Variants in COLGALT2 observed in about 807,000 individuals in gnomAD.
The protein encoded by COLGALT2 is procollagen galactosyltransferase 2.
COLGALT2 carries 49 observed loss-of-function variants against 73.4 expected under a neutral mutation model. The observed-to-expected ratio is 0.67, with a 90% CI of 0.53 to 0.85. The LOEUF (loss-of-function observed/expected upper bound fraction) is 0.85, where lower values mean the gene tolerates loss of function less well. Ranked by LOEUF, COLGALT2 falls within the 40% of genes least tolerant of loss-of-function variation. The pLI, the probability that COLGALT2 is intolerant of heterozygous loss-of-function variation, is 0.00. For missense variants in COLGALT2, 722 were observed against 790.2 expected, an observed-to-expected ratio of 0.91 and a Z score of 1.03; for synonymous variants, 295 against 307.6, an observed-to-expected ratio of 0.96 and a Z score of 0.43.
At chr1:184,021,337 T>C (rs1418635986) in intron 1 of COLGALT2, among the ~76,000 whole-genome samples, 1 of 152,180 alleles carries the variant, frequency 6.6e-6, no homozygotes, top group Admixed American at 6.6e-5. Flanking sequence ...AGTTCATGTG[T>C]TGGAAACTTG....
At chr1:184,028,649 G>A (rs1331507778) in intron 1 of COLGALT2, among the ~76,000 whole-genome samples, 1 of 152,160 alleles carries the variant, frequency 6.6e-6, no homozygotes, top group African/African-American at 2.4e-5. Context: ...ATGTGTGAAT[G>A]AAATCAGGTA....
intron 6 of COLGALT2, among the ~76,000 whole-genome samples, chr1:183,961,233 A>C (rs947175625): frequency 1.3e-5 from 2 of 152,254 alleles, no homozygotes; most frequent in African/African-American, 4.8e-5. Flanking sequence ...ATCAATGATG[A>C]AAGCTATAAT....
In COLGALT2 at chr1:183,969,420, T is replaced by A. The variant is rs911522246; in HGVS notation, c.681A>T (p.Thr227=). The A allele has an allele frequency of 4.3e-6, 7 of 1,613,722 alleles. No individual in the cohort carries two copies. ...DYVQIREWKR[T]GCFPVPMVHS... ...GGACCATGGGGACGGGGAAGCAGCC[T>A]GTCCTCTTCCATTCTCGAATCTGAA... is the stretch of plus-strand genomic sequence containing the variant. The change falls in exon 5 of 12, where the codon ACA becomes ACT. Residue 227 remains threonine, a synonymous_variant. Transcript: ENST00000361927.
intron 1 of COLGALT2, among the ~76,000 whole-genome samples, chr1:184,021,365 G>T (rs57023391): frequency 0.018 from 2,813 of 152,248 alleles, 85 homozygotes; most frequent in African/African-American, 0.063. Flanking sequence ...ATGTGGTAAC[G>T]TTGGGAGGTG....
At chr1:183,946,600 A>C (rs1670256138) in intron 8 of COLGALT2, 2 of 152,256 alleles carry the variant, frequency 1.3e-5, no homozygotes, top group Admixed American at 1.3e-4. Flanking sequence ...AAATAGGTTG[A>C]AAGTAAAAGA....
Position 183,963,950 on chromosome 1 carries a change from T to C in COLGALT2, c.903A>G (p.Thr301=). Residue 301 remains threonine, a synonymous_variant, in exon 6 of 12, where the codon ACA becomes ACG. Coordinates refer to ENST00000361927, the MANE Select transcript of COLGALT2 (RefSeq NM_015101.4). ...YLPIPLKPHQ[T]LQEDIENLIH... ...TGAGGTTCTCGATGTCTTCCTGCAG[T>C]GTCTGATGGGGCTTCAGGGGGATGG... The C allele has an allele frequency of 6.2e-7, 1 of 1,613,116 alleles. No homozygotes were observed. The highest frequency in any genetic ancestry group is 1.7e-5 in the Admixed American group (1 of 59,902).
At position 183,938,666 on chromosome 1, in the gene COLGALT2, C is replaced by G; in HGVS notation, c.*95G>C. 5.9e-6 allele frequency: 9 copies of G among 1,516,294 alleles called. No individual in the cohort carries two copies. The highest frequency in any genetic ancestry group is 7.9e-6 in the Non-Finnish European group (9 of 1,132,322). The allele number at this position is 1,516,294 out of a possible 1,614,324, so 93.9% of individuals were successfully genotyped here. A position where few individuals can be genotyped will look rare whatever the true frequency, so the allele number is the denominator to read the frequency against. On this transcript the variant is annotated 3_prime_UTR_variant, in exon 12 of 12. Coordinates refer to ENST00000361927, the MANE Select transcript of COLGALT2 (RefSeq NM_015101.4). ...GTTAGATGACTGTGACCACTAAGAA[C>G]AAAACAAAACAGAAAACTGGAGCAA...
intron 1 of COLGALT2, among the ~76,000 whole-genome samples, chr1:183,983,353 C>T (rs1671403509): frequency 6.6e-6 from 1 of 152,204 alleles, no homozygotes; most frequent in Admixed American, 6.5e-5. Context: ...TTTCCCTGCT[C>T]CTCCTCCCCA....
chr1:183,992,062 C>T (rs1196054173), intron 1 of COLGALT2, among the ~76,000 whole-genome samples: 1 of 152,056 alleles, frequency 6.6e-6, no homozygotes, highest in African/African-American at 2.4e-5. Context: ...TGAGAGCAAA[C>T]CTCAGCTAAG....
At chr1:184,006,646 A>T (rs1672094890) in intron 1 of COLGALT2, among the ~76,000 whole-genome samples, 1 of 151,964 alleles carries the variant, frequency 6.6e-6, no homozygotes, top group Admixed American at 6.6e-5. Flanking sequence ...AGGGCAAAGG[A>T]TACTAACATA....
At chr1:183,981,150 G>T (rs1342633120) in intron 1 of COLGALT2, among the ~76,000 whole-genome samples, 1 of 152,056 alleles carries the variant, frequency 6.6e-6, no homozygotes, top group East Asian at 1.9e-4. Flanking sequence ...TAAGGGTGTC[G>T]TAATATTCCC....
chr1:184,028,149 A>T (rs1301054078), intron 1 of COLGALT2, among the ~76,000 whole-genome samples: 1 of 152,182 alleles, frequency 6.6e-6, no homozygotes, highest in East Asian at 1.9e-4. Context: ...GAAACTAAAA[A>T]ACAGTCTATT....
Position 183,936,087 on chromosome 1 carries a change from C to T in COLGALT2, c.*2674G>A, listed in dbSNP as rs1669944685. 1.0e-6 allele frequency: 1 copy of T among 985,482 alleles called. No individual in the cohort carries two copies. Among genetic ancestry groups the T allele is most frequent in the South Asian group, 4.7e-5 (1 of 21,284 alleles). 61.0% of individuals were successfully genotyped at this position (985,482 alleles called of 1,614,324 possible). On this transcript the variant is annotated 3_prime_UTR_variant, in exon 12 of 12. Transcript: ENST00000361927. ...ACTGCTGATGTCACGGTTGTCTGTC[C>T]AGAAGATCCCACGTTAGATCCCAAG...
intron 1 of COLGALT2, among the ~76,000 whole-genome samples, chr1:184,032,410 A>G (rs191482612): frequency 2.0e-5 from 3 of 152,360 alleles, no homozygotes; most frequent in Non-Finnish European, 2.9e-5. Context: ...ACTTGTAACA[A>G]TAACTCTTTG....
At position 183,937,652 on chromosome 1, in the gene COLGALT2, A is replaced by G. The variant is rs945266990; in HGVS notation, c.*1109T>C. 30 of 985,292 alleles carry G rather than the reference A, an allele frequency of 3.0e-5. No homozygotes were observed. Among genetic ancestry groups the G allele is most frequent in the Middle Eastern group, 5.2e-4 (1 of 1,936 alleles). The allele number at this position is 985,292 out of a possible 1,614,324, so 61.0% of individuals were successfully genotyped here. A position where few individuals can be genotyped will look rare whatever the true frequency, so the allele number is the denominator to read the frequency against. ...TGGCTGGGAAATTCAGGAGAATCAGATTGCCGAACCAATGTGTCCACACCC... is the reference window on the plus strand; with the variant it reads ...TGGCTGGGAAATTCAGGAGAATCAGGTTGCCGAACCAATGTGTCCACACCC... On this transcript the variant is annotated 3_prime_UTR_variant, in exon 12 of 12. Coordinates refer to ENST00000361927, the MANE Select transcript of COLGALT2 (RefSeq NM_015101.4).
In COLGALT2 at chr1:183,938,693, CAG is replaced by C; in HGVS notation, c.*66_*67del. 1 of 1,566,332 alleles carries C rather than the reference CAG, an allele frequency of 6.4e-7. No individual in the cohort carries two copies. Among genetic ancestry groups the C allele is most frequent in the Non-Finnish European group, 8.6e-7 (1 of 1,156,586 alleles). Reference sequence around the variant, plus strand: ...AAACAAAACAGAAAACTGGAGCAAACAGATGAATAGCCCTTTAGAAAAACCAG... The same window carrying C: ...AAACAAAACAGAAAACTGGAGCAAACATGAATAGCCCTTTAGAAAAACCAG... On this transcript the variant is annotated 3_prime_UTR_variant, in exon 12 of 12. Transcript: ENST00000361927.
chr1:183,962,154 CTTTT>C (rs34873073), intron 6 of COLGALT2, among the ~76,000 whole-genome samples: 4 of 85,540 alleles, frequency 4.7e-5, no homozygotes, highest in Admixed American at 1.6e-4. Flanking sequence ...TTTTCTCTTT[CTTTT>C]TTTTTTTTTT....
intron 1 of COLGALT2, among the ~76,000 whole-genome samples, chr1:184,023,456 G>A (rs1414588330): frequency 6.6e-6 from 1 of 152,152 alleles, no homozygotes; most frequent in Non-Finnish European, 1.5e-5. Context: ...CACTAGCTTG[G>A]TGAGACTTGA....
intron 3 of COLGALT2, 38 bp from the exon 4 acceptor site, chr1:183,973,788 CTT>C (rs771330175): frequency 3.1e-6 from 5 of 1,601,904 alleles, no homozygotes; most frequent in Middle Eastern, 1.7e-4. Context: ...TGAAAAGGTA[CTT>C]TTCAGTAATG....
Sources: gnomAD v4.1 joint callset for allele counts (sites outside exome capture counted in the v4.1 genomes callset) on GRCh38, gnomAD v4.1.1 for gene constraint, MANE v1.5 for transcripts, NCBI Gene and HGNC (gene_info 2026-07-23, HGNC 2026-07-21) for gene names.